The following FAM217B variants were observed in gnomAD, a reference collection of about 807,000 sequenced individuals.
FAM217B encodes the protein protein FAM217B.
For missense variants in FAM217B, 463 were observed against 456.9 expected, an observed-to-expected ratio of 1.01 and a Z score of -0.12; for synonymous variants, 163 against 173.0, an observed-to-expected ratio of 0.94 and a Z score of 0.45.
chr20:59,939,306 G>A (rs2060883138), upstream of FAM217B: 1 of 1,612,248 alleles, frequency 6.2e-7, no homozygotes, highest in African/African-American at 1.3e-5. Flanking sequence ...GCCCGAGAAA[G>A]TGTAGCGCAC....
Position 59,944,273 on chromosome 20 carries a change from C to T in FAM217B, c.330C>T (p.Leu110=), listed in dbSNP as rs369309406. 3.3e-5 allele frequency: 53 copies of T among 1,614,038 alleles called. No homozygotes were observed. Among genetic ancestry groups the T allele is most frequent in the Middle Eastern group, 1.6e-4 (1 of 6,084 alleles). ...SERIPIPPSP[L]TPPDLNLRAE... is the part of the protein sequence containing the mutation. Reference sequence around the variant, plus strand: ...GAATTCCCATTCCTCCTTCTCCCCTCACACCTCCAGATCTCAATCTTCGAG... The same window carrying T: ...GAATTCCCATTCCTCCTTCTCCCCTTACACCTCCAGATCTCAATCTTCGAG... The change falls in exon 4 of 4, where the codon CTC becomes CTT. Residue 110 remains leucine (L), a synonymous_variant. Transcript: ENST00000360816.
At chr20:59,940,222 C>G (rs940072788), upstream of FAM217B, 40 of 295,992 alleles carry the variant, frequency 1.4e-4, no homozygotes, top group Middle Eastern at 9.5e-4. Flanking sequence ...TTTCTTCTTG[C>G]TTCCTTGGAG....
upstream of FAM217B, chr20:59,938,907 G>C: frequency 1.0e-6 from 1 of 963,210 alleles, no homozygotes; most frequent in East Asian, 2.9e-5. Flanking sequence ...CCTTGCAGCA[G>C]AAAATTAGGT....
upstream of FAM217B, chr20:59,939,687 C>G: frequency 1.4e-6 from 2 of 1,429,032 alleles, no homozygotes; most frequent in Non-Finnish European, 1.8e-6. Context: ...GGCCTTCTGG[C>G]GGCGCTCGGG....
upstream of FAM217B, chr20:59,938,977 T>TGACAG (rs2060878522): frequency 7.0e-7 from 1 of 1,436,156 alleles, no homozygotes; most frequent in Admixed American, 2.5e-5. Context: ...AGCAGGGAAA[T>TGACAG]GACAGGAGGC....
rs2145953715 is a variant in FAM217B, at chr20:59,945,355, A to G, written c.*260A>G. ...AAAAATTATGTAAAATATGTGCCAT[A>G]TAAAGGAATAAAATGGCACCTCTCC... On this transcript the variant is annotated 3_prime_UTR_variant, in exon 4 of 4. Transcript: ENST00000360816. 1 of 345,264 alleles carries G rather than the reference A, an allele frequency of 2.9e-6. No individual in the cohort carries two copies. The highest frequency in any genetic ancestry group is 5.6e-6 in the Non-Finnish European group (1 of 179,636). 21.4% of individuals were successfully genotyped at this position (345,264 alleles called of 1,614,324 possible). A position where few individuals can be genotyped will look rare whatever the true frequency, so the allele number is the denominator to read the frequency against.
rs747653948 is a variant in FAM217B, at chr20:59,944,719, C to T, written c.776C>T (p.Pro259Leu). Residue 259 changes from proline (P) to leucine (L), a missense_variant, in exon 4 of 4, where the codon CCA becomes CTA. By Grantham distance (98) the Pro-to-Leu change is moderately conservative. Coordinates refer to ENST00000360816, the MANE Select transcript of FAM217B (RefSeq NM_022106.3). Reference protein sequence around the residue: ...KKAFHHEEIHPSHYAFETSPR... With the variant: ...KKAFHHEEIHLSHYAFETSPR... ...GCTTTTCACCATGAAGAAATCCACC[C>T]ATCACATTATGCATTTGAGACTTCC... 6.2e-7 allele frequency: 1 copy of T among 1,614,206 alleles called. No individual in the cohort carries two copies. Among genetic ancestry groups the T allele is most frequent in the South Asian group, 1.1e-5 (1 of 91,088 alleles).
Position 59,944,176 on chromosome 20 carries a change from A to AT in FAM217B, c.237dup (p.Gln80SerfsTer7). The AT allele has an allele frequency of 1.2e-6, 2 of 1,614,130 alleles. No individual in the cohort carries two copies. The highest frequency in any genetic ancestry group is 1.7e-6 in the Non-Finnish European group (2 of 1,180,024). ...GCCTCAGGGAATAAACTGTTTCTTGATTTTCAGTCAATGAAAATTATTAAA... is the reference window on the plus strand; with the variant it reads ...GCCTCAGGGAATAAACTGTTTCTTGATTTTTCAGTCAATGAAAATTATTAAA... On this transcript the variant is annotated frameshift_variant, in exon 4 of 4. Coordinates refer to ENST00000360816, the MANE Select transcript of FAM217B (RefSeq NM_022106.3). LOFTEE classifies it low-confidence loss of function (END_TRUNC).
At chr20:59,943,250 A>G (rs1244373256) in intron 3 of FAM217B, among the ~76,000 whole-genome samples, 1 of 152,206 alleles carries the variant, frequency 6.6e-6, no homozygotes, top group Admixed American at 6.5e-5. Context: ...CCTGCTATTC[A>G]CAAGGTAACA....
chr20:59,939,398 GCACACGAGCTGCCGCTGCAGGCGCTCGC>G (rs746281614), upstream of FAM217B: 1 of 1,610,550 alleles, frequency 6.2e-7, no homozygotes, highest in Non-Finnish European at 8.5e-7. Flanking sequence ...CACGCTCCAG[GCACACGAGCTGCCGCTGCAGGCGCTCGC>G]CAAAGTCGGC....
Position 59,944,825 on chromosome 20 carries a change from A to G in FAM217B, c.882A>G (p.Lys294=), listed in dbSNP as rs1336921707. 1 of 1,614,070 alleles carries G rather than the reference A, an allele frequency of 6.2e-7. No individual in the cohort carries two copies. Among genetic ancestry groups the G allele is most frequent in the Non-Finnish European group, 8.5e-7 (1 of 1,180,034 alleles). The part of the protein sequence containing the change: ...QTLEMRTEEK[K]KKSSKSTKLQ... The stretch of plus-strand genomic sequence containing the variant: ...TTGAAATGAGGACAGAAGAAAAGAA[A>G]AAGAAATCAAGTAAGAGTACGAAGC... Residue 294 remains lysine, a synonymous_variant, in exon 4 of 4, where the codon AAA becomes AAG. Transcript: ENST00000360816.
upstream of FAM217B, chr20:59,939,997 C>T: frequency 8.3e-7 from 1 of 1,209,148 alleles, no homozygotes; most frequent in Non-Finnish European, 1.0e-6. Context: ...GCGACAGCTC[C>T]CTCCGTGCTC....
upstream of FAM217B, chr20:59,939,936 C>A (rs1355384382): frequency 1.6e-6 from 2 of 1,264,108 alleles, no homozygotes; most frequent in Middle Eastern, 3.1e-4. Context: ...GGACATGGCC[C>A]CGCCGGCCGT....
upstream of FAM217B, chr20:59,937,174 TAA>T (rs769957374): frequency 4.6e-5 from 7 of 152,806 alleles, no homozygotes; most frequent in Non-Finnish European, 1.0e-4. Flanking sequence ...CTACATGCCT[TAA>T]AATAAATCTG....
rs914185164 is a variant in FAM217B at position 59,942,527 on chromosome 20, T to C, written c.-5+15T>C. On this transcript the variant is annotated intron_variant, in intron 3 of 3. Transcript: ENST00000360816. ...CAGAAAAGCAGGTAAATAGTTTTAG[T>C]ATAATTGCTTTATCTTGCAAAAGAC... 2 of 152,218 alleles carry C rather than the reference T, an allele frequency of 1.3e-5. No homozygotes were observed. Among genetic ancestry groups the C allele is most frequent in the Non-Finnish European group, 1.5e-5 (1 of 68,030 alleles). 9.4% of individuals were successfully genotyped at this position (152,218 alleles called of 1,614,324 possible). A position where few individuals can be genotyped will look rare whatever the true frequency, so the allele number is the denominator to read the frequency against.
chr20:59,938,854 C>T, upstream of FAM217B: 1 of 527,990 alleles, frequency 1.9e-6, no homozygotes, highest in Non-Finnish European at 3.0e-6. Context: ...CCAAGTGACT[C>T]AGACGTTTCA....
Position 59,948,051 on chromosome 20 carries a change from A to G in FAM217B, c.*2956A>G, listed in dbSNP as rs886946654. On this transcript the variant is annotated 3_prime_UTR_variant, in exon 4 of 4. Transcript: ENST00000360816. ...CCAAGTTTCTTTAAAAAAAAAAAGA[A>G]AAAGAAAAAGAAAAAGAAAAATATT... The G allele has an allele frequency of 1.2e-5, 2 of 163,130 alleles. No individual in the cohort carries two copies. The highest frequency in any genetic ancestry group is 2.9e-5 in the Non-Finnish European group (2 of 67,894). 10.1% of individuals were successfully genotyped at this position (163,130 alleles called of 1,614,324 possible). A position where few individuals can be genotyped will look rare whatever the true frequency, so the allele number is the denominator to read the frequency against.
chr20:59,934,103 G>A (rs921058157), intron 1 of FAM217B, among the ~76,000 whole-genome samples: 1 of 152,130 alleles, frequency 6.6e-6, no homozygotes, highest in African/African-American at 2.4e-5. Flanking sequence ...CAGCCCTGCA[G>A]GGGCGAGCTG....
chr20:59,941,974 G>C (rs1021436117), intron 1 of FAM217B: 1 of 152,170 alleles, frequency 6.6e-6, no homozygotes, highest in Non-Finnish European at 1.5e-5. Flanking sequence ...CTGTGATCCT[G>C]TCTCTAATAT....
Sources: gnomAD v4.1 joint callset for allele counts (sites outside exome capture counted in the v4.1 genomes callset) on GRCh38, gnomAD v4.1.1 for gene constraint, MANE v1.5 for transcripts, NCBI Gene and HGNC (gene_info 2026-07-23, HGNC 2026-07-21) for gene names.